The following PRKCH variants were observed in gnomAD, a reference collection of about 807,000 sequenced individuals.
The protein encoded by PRKCH is protein kinase C eta.
A neutral mutation model predicts 82.5 loss-of-function variants in PRKCH; 28 were observed. The observed-to-expected ratio is 0.34, with a 90% CI of 0.25 to 0.47. The LOEUF is 0.47. Ranked by LOEUF, PRKCH falls within the 20% of genes least tolerant of loss-of-function variation. PRKCH has a pLI of 1.00. For synonymous variants in PRKCH, 322 were observed against 327.4 expected (o/e 0.98, Z 0.18); for missense variants, 705 against 881.8 (o/e 0.80, Z 2.54).
intron 10 of PRKCH, among the ~76,000 whole-genome samples, chr14:61,487,834 A>AG (rs1006290127): frequency 1.3e-5 from 2 of 151,152 alleles, no homozygotes; most frequent in Non-Finnish European, 3.0e-5. Context: ...TCTCTACAAA[A>AG]AAAAAAAAAC....
At chr14:61,489,112 C>T (rs1399162568) in intron 10 of PRKCH, among the ~76,000 whole-genome samples, 3 of 152,170 alleles carry the variant, frequency 2.0e-5, no homozygotes, top group African/African-American at 7.2e-5. Context: ...GTAAAGGGCA[C>T]ATTTGGGTCA....
intron 1 of PRKCH, among the ~76,000 whole-genome samples, chr14:61,262,219 T>TAAATAAAAAAAAAAA (rs1356058235): frequency 3.8e-5 from 4 of 106,612 alleles, no homozygotes; most frequent in African/African-American, 1.6e-4. Flanking sequence ...AGACTCTGTA[T>TAAATAAAAAAAAAAA]AAAAAAAAAA....
At chr14:61,239,136 T>C (rs1468292070) in intron 1 of PRKCH, among the ~76,000 whole-genome samples, 2 of 152,210 alleles carry the variant, frequency 1.3e-5, no homozygotes, top group Non-Finnish European at 2.9e-5. Flanking sequence ...CTCCTGTTCA[T>C]GACTGTTCCA....
chr14:61,483,156 T>C (rs1031884579), intron 9 of PRKCH, among the ~76,000 whole-genome samples: 3 of 152,248 alleles, frequency 2.0e-5, no homozygotes, highest in African/African-American at 7.2e-5. Context: ...TCCCTCCAAA[T>C]GGACAGATAC....
In PRKCH at chr14:61,321,850, G is replaced by A; in HGVS notation, c.-252G>A. The A allele has an allele frequency of 5.0e-6, 2 of 399,376 alleles. No individual in the cohort carries two copies. The highest frequency in any genetic ancestry group is 4.6e-5 in the East Asian group (1 of 21,702). 24.7% of individuals were successfully genotyped at this position (399,376 alleles called of 1,614,324 possible). On this transcript the variant is annotated 5_prime_UTR_variant, in exon 1 of 14. Coordinates refer to ENST00000332981, the MANE Select transcript of PRKCH (RefSeq NM_006255.5). The surrounding 1 kb of genome is among the most constrained non-coding windows in gnomAD (Gnocchi z 4.1). The stretch of plus-strand genomic sequence containing the variant: ...AGGCGCCGCGCGCTTGGAAGGGACG[G>A]TCGGGCTTCCCCGGCCCGCTGAGGG...
At chr14:61,294,649 A>G (rs2045391626) in intron 1 of PRKCH, among the ~76,000 whole-genome samples, 1 of 152,052 alleles carries the variant, frequency 6.6e-6, no homozygotes, top group South Asian at 2.1e-4. Context: ...TTGCAGACCT[A>G]TTTACTGTCA....
Position 61,445,730 on chromosome 14 carries a change from A to G in PRKCH, c.613+4A>G. 6.2e-7 allele frequency: 1 copy of G among 1,606,082 alleles called. No homozygotes were observed. The highest frequency in any genetic ancestry group is 8.5e-7 in the Non-Finnish European group (1 of 1,172,676). On this transcript the variant is annotated splice_donor_region_variant and intron_variant, in intron 4 of 13. Transcript: ENST00000332981. Reference sequence around the variant, plus strand: ...AAACAGGGTTATCAGTGCCAAGGTAAGGAAACATTTTTAAAACCATGTTTC... The same window carrying G: ...AAACAGGGTTATCAGTGCCAAGGTAGGGAAACATTTTTAAAACCATGTTTC...
chr14:61,445,869 A>C (rs1038903410), intron 4 of PRKCH, 143 bp downstream of exon 4: 6 of 830,964 alleles, frequency 7.2e-6, no homozygotes, highest in Non-Finnish European at 1.2e-5. Context: ...TGTAGATACA[A>C]CTCTTTAGTT....
At chr14:61,431,203 G>A (rs971257765) in intron 2 of PRKCH, among the ~76,000 whole-genome samples, 1 of 152,134 alleles carries the variant, frequency 6.6e-6, no homozygotes, top group African/African-American at 2.4e-5. Flanking sequence ...ATGAACATGT[G>A]CACAGCTTCA....
Position 61,494,122 on chromosome 14 carries a change from A to G in PRKCH, c.1433+8466A>G, listed in dbSNP as rs142065723. Among the ~76,000 whole-genome samples the G allele has an allele frequency of 5.2e-3, 795 of 152,260 alleles. 2 individuals carry two copies. Among genetic ancestry groups the G allele is most frequent in the Non-Finnish European group, 8.1e-3 (552 of 68,008 alleles). On this transcript the variant is annotated intron_variant, in intron 10 of 13. Transcript: ENST00000332981. ...CATGGATAGGGGCATAGGAGTCTGA[A>G]GCTCAGTAAAGAGGATGGGCTGAAT...
At position 61,449,856 on chromosome 14, in the gene PRKCH, GTCTC is replaced by G. The variant is rs149977373; in HGVS notation, c.702+646_702+649del. Among the ~76,000 whole-genome samples, 170 of 142,396 alleles carry G rather than the reference GTCTC, an allele frequency of 1.2e-3. 1 individual carries two copies. Among genetic ancestry groups the G allele is most frequent in the African/African-American group, 4.1e-3 (151 of 36,736 alleles). 93.4% of individuals were successfully genotyped at this position (142,396 alleles called of 152,430 possible). ...CCTCTTAAGAAATTTCAGGGAAGAT[GTCTC>G]TCTCTCTCTCTCTCTCTCTCTCTCT... On this transcript the variant is annotated intron_variant, in intron 5 of 13. Coordinates refer to ENST00000332981, the MANE Select transcript of PRKCH (RefSeq NM_006255.5).
At position 61,449,197 on chromosome 14, in the gene PRKCH, A is replaced by T; in HGVS notation, c.647A>T (p.His216Leu). ...TGTGTCGTCCATAAACGCTGCCATC[A>T]TCTAATTGTTACAGCCTGTACTTGC... ...CTCVVHKRCHHLIVTACTCQN... is the reference protein window; with the variant it reads ...CTCVVHKRCHLLIVTACTCQN... The change falls in exon 5 of 14, where the codon CAT becomes CTT. Residue 216 changes from histidine to leucine, a missense_variant. His to Leu is a moderately conservative substitution (Grantham distance 99). Coordinates refer to ENST00000332981, the MANE Select transcript of PRKCH (RefSeq NM_006255.5). 1 of 1,614,144 alleles carries T rather than the reference A, an allele frequency of 6.2e-7. No homozygotes were observed. Among genetic ancestry groups the T allele is most frequent in the Non-Finnish European group, 8.5e-7 (1 of 1,180,000 alleles).
chr14:61,300,277 G>A (rs1217012033), intron 1 of PRKCH, among the ~76,000 whole-genome samples: 1 of 152,054 alleles, frequency 6.6e-6, no homozygotes, highest in Non-Finnish European at 1.5e-5. Context: ...TAACAGGAAG[G>A]GAATCAAATT....
intron 2 of PRKCH, among the ~76,000 whole-genome samples, chr14:61,436,847 A>T (rs561547641): frequency 6.6e-6 from 1 of 152,324 alleles, no homozygotes; most frequent in South Asian, 2.1e-4. Context: ...GCCATTTTTA[A>T]ATACCAAAAC....
intron 1 of PRKCH, among the ~76,000 whole-genome samples, chr14:61,338,805 T>A (rs1421563879): frequency 6.6e-6 from 1 of 152,198 alleles, no homozygotes; most frequent in African/African-American, 2.4e-5. Flanking sequence ...CTCTCTGAAC[T>A]GTTTCTGATG....
At chr14:61,506,967 G>C (rs1408456115) in intron 10 of PRKCH, among the ~76,000 whole-genome samples, 1 of 152,156 alleles carries the variant, frequency 6.6e-6, no homozygotes, top group East Asian at 1.9e-4. Flanking sequence ...CTAAAAAGCT[G>C]CTGCATAGGA....
intron 9 of PRKCH, among the ~76,000 whole-genome samples, chr14:61,475,139 A>G (rs1885674092): frequency 1.3e-5 from 2 of 152,214 alleles, no homozygotes; most frequent in Non-Finnish European, 2.9e-5. Context: ...AAATGATCTA[A>G]ATAAATGAAA....
At chr14:61,337,611 A>G (rs2045876762) in intron 1 of PRKCH, among the ~76,000 whole-genome samples, 1 of 152,136 alleles carries the variant, frequency 6.6e-6, no homozygotes. Context: ...TTTCTTATAG[A>G]GGTAGGGTCT....
Position 61,480,080 on chromosome 14 carries a change from A to G in PRKCH, c.1279-5422A>G, listed in dbSNP as rs77860031. On this transcript the variant is annotated intron_variant, in intron 9 of 13. Coordinates refer to ENST00000332981, the MANE Select transcript of PRKCH (RefSeq NM_006255.5). ...TACCACACAGGTCAGGGCAGACTTC[A>G]CCTGACAGAAGCCAAAAGCCTCAGG... Among the ~76,000 whole-genome samples the G allele has an allele frequency of 1.2e-3, 178 of 152,320 alleles. 3 individuals are homozygous for G. In the East Asian group the frequency reaches 0.032, roughly 27 times the overall value.
Sources: allele counts gnomAD v4.1 joint callset (sites outside exome capture counted in the v4.1 genomes callset), GRCh38; gene constraint gnomAD v4.1.1; non-coding constraint Gnocchi (gnomAD v3.1); transcripts MANE v1.5; gene names NCBI Gene and HGNC (gene_info 2026-07-23, HGNC 2026-07-21).